ST8SIA6: variants seen among roughly 807,000 people sequenced by gnomAD.
ST8SIA6 encodes the protein ST8 alpha-N-acetyl-neuraminide alpha-2,8-sialyltransferase 6, also known as alpha-2,8-sialyltransferase 8F.
A neutral mutation model predicts 33.6 loss-of-function variants in ST8SIA6; 39 were observed. The observed-to-expected ratio is 1.16, with a 90% CI of 0.90 to 1.52. The LOEUF (loss-of-function observed/expected upper bound fraction) is 1.52. Among genes scored for constraint, ST8SIA6 ranks in the 40% most tolerant of loss-of-function variants. The pLI is 0.00. For synonymous variants in ST8SIA6, 172 were observed against 167.2 expected, an observed-to-expected ratio of 1.03 and a Z score of -0.22; for missense variants, 441 against 443.8, an observed-to-expected ratio of 0.99 and a Z score of 0.06.
Position 17,327,012 on chromosome 10 carries a change from A to T in ST8SIA6, c.635+2T>A. On this transcript the variant is annotated splice_donor_variant, in intron 6 of 7. Coordinates refer to ENST00000377602, the MANE Select transcript of ST8SIA6 (RefSeq NM_001004470.3). LOFTEE classifies it high-confidence loss of function. ...CAAAGAAACCAATTTGTCAGGTCTT[A>T]CCTAAAAACGAAGTCGGATTTATCT... 6.3e-7 allele frequency: 1 copy of T among 1,593,376 alleles called. No individual in the cohort carries two copies.
intron 2 of ST8SIA6, among the ~76,000 whole-genome samples, chr10:17,441,812 T>C (rs1414629498): frequency 1.3e-5 from 2 of 152,148 alleles, no homozygotes; most frequent in African/African-American, 2.4e-5. Context: ...ACATTTGAAA[T>C]TGGCCCTAAA....
chr10:17,406,143 A>G (rs1851249793), intron 2 of ST8SIA6, among the ~76,000 whole-genome samples: 1 of 152,212 alleles, frequency 6.6e-6, no homozygotes, highest in African/African-American at 2.4e-5. Context: ...AGCTAAAGGC[A>G]ATTAAGAAGC....
At chr10:17,335,084 G>A (rs1564406073) in intron 4 of ST8SIA6, among the ~76,000 whole-genome samples, 1 of 152,160 alleles carries the variant, frequency 6.6e-6, no homozygotes. Flanking sequence ...ATCAAGCAAA[G>A]CTTTAGCCTT....
At chr10:17,331,379 CAAAT>C (rs763953096) in intron 5 of ST8SIA6, 25 bp downstream of exon 5, 7 of 1,587,454 alleles carry the variant, frequency 4.4e-6, no homozygotes, top group African/African-American at 2.7e-5. Flanking sequence ...AATGGTAACA[CAAAT>C]AACCCACCAG....
intron 3 of ST8SIA6, among the ~76,000 whole-genome samples, chr10:17,375,630 C>T (rs183033973): frequency 2.2e-4 from 34 of 152,318 alleles, no homozygotes; most frequent in South Asian, 1.7e-3. Flanking sequence ...TGGCGTAAGC[C>T]GCACTTAGTC....
chr10:17,429,571 C>T (rs543855106), intron 2 of ST8SIA6, among the ~76,000 whole-genome samples: 23 of 152,186 alleles, frequency 1.5e-4, no homozygotes, highest in African/African-American at 3.6e-4. Context: ...CAACTCCCAC[C>T]TCCCGGGCTC....
chr10:17,333,113 A>G (rs1487566713), intron 4 of ST8SIA6, among the ~76,000 whole-genome samples: 1 of 152,192 alleles, frequency 6.6e-6, no homozygotes, highest in Non-Finnish European at 1.5e-5. Context: ...ACAAGCAGAG[A>G]GCCAAATCAT....
At chr10:17,340,697 A>C (rs1249164089) in intron 4 of ST8SIA6, among the ~76,000 whole-genome samples, 1 of 152,194 alleles carries the variant, frequency 6.6e-6, no homozygotes, top group Non-Finnish European at 1.5e-5. Flanking sequence ...TTCCAGCAAA[A>C]CCATGGTGTG....
intron 6 of ST8SIA6, among the ~76,000 whole-genome samples, chr10:17,324,903 T>TA (rs1848074594): frequency 6.8e-6 from 1 of 146,182 alleles, no homozygotes; most frequent in Non-Finnish European, 1.5e-5. Flanking sequence ...ATATAACATG[T>TA]ATATATAATA....
At chr10:17,339,694 A>C (rs1848612051) in intron 4 of ST8SIA6, among the ~76,000 whole-genome samples, 1 of 148,218 alleles carries the variant, frequency 6.7e-6, no homozygotes, top group African/African-American at 2.4e-5. Flanking sequence ...ACCAACATTT[A>C]GTGCATTCTC....
Position 17,363,873 on chromosome 10 carries a change from A to T in ST8SIA6, c.291-4273T>A, listed in dbSNP as rs547531016. Among the ~76,000 whole-genome samples, 9 of 152,266 alleles carry T rather than the reference A, an allele frequency of 5.9e-5. No individual in the cohort carries two copies. The East Asian group carries it at 1.4e-3, about 23-fold the overall frequency. On this transcript the variant is annotated intron_variant, in intron 3 of 7. Coordinates refer to ENST00000377602, the MANE Select transcript of ST8SIA6 (RefSeq NM_001004470.3). ...GAGCCTGTTGGGCTGGCTCATACTC[A>T]TTCATTATCCCCATAGTTTGAGCTT...
intron 2 of ST8SIA6, among the ~76,000 whole-genome samples, chr10:17,448,525 A>G (rs964391586): frequency 2.0e-5 from 3 of 152,162 alleles, no homozygotes; most frequent in African/African-American, 7.2e-5. Context: ...TAATCTCCCA[A>G]TAATTCAACC....
chr10:17,359,587 C>A lies in ST8SIA6; in HGVS notation c.304G>T (p.Asp102Tyr). 1 of 1,598,666 alleles carries A rather than the reference C, an allele frequency of 6.3e-7. No individual in the cohort carries two copies. The highest frequency in any genetic ancestry group is 8.5e-7 in the Non-Finnish European group (1 of 1,173,536). Residue 102 changes from aspartate (D) to tyrosine (Y), a missense_variant, in exon 4 of 8, where the codon GAC becomes TAC. Asp to Tyr is a radical substitution (Grantham distance 160). Coordinates refer to ENST00000377602, the MANE Select transcript of ST8SIA6 (RefSeq NM_001004470.3). Reference protein sequence around the residue: ...SNKTKGYSENDYLQIITDIQS... With the variant: ...SNKTKGYSENYYLQIITDIQS... ...ATATCTGTGATAATCTGAAGGTAGT[C>A]GTTCTCTGAATACCTAAAAATTAAA...
At chr10:17,340,303 G>A (rs369395825) in intron 4 of ST8SIA6, among the ~76,000 whole-genome samples, 11 of 151,592 alleles carry the variant, frequency 7.3e-5, no homozygotes, top group South Asian at 6.3e-4. Flanking sequence ...CACCTGTTCC[G>A]TCCTGAGTCA....
chr10:17,348,000 G>A (rs1292945738), intron 4 of ST8SIA6, among the ~76,000 whole-genome samples: 2 of 143,780 alleles, frequency 1.4e-5, no homozygotes, highest in African/African-American at 2.6e-5. Context: ...GAATTGCTAA[G>A]TGTGAAAAAC....
At chr10:17,437,643 TTCCTTCCTTCCTTCCTTCC>T (rs1564464563) in intron 2 of ST8SIA6, among the ~76,000 whole-genome samples, 33 of 138,806 alleles carry the variant, frequency 2.4e-4, no homozygotes, top group African/African-American at 6.8e-4. Flanking sequence ...CCTTCCTTCC[TTCCTTCCTTCCTTCCTTCC>T]TTCTGTCTCT....
intron 3 of ST8SIA6, among the ~76,000 whole-genome samples, chr10:17,360,938 G>GAA (rs1849365021): frequency 6.7e-6 from 1 of 148,558 alleles, no homozygotes; most frequent in African/African-American, 2.5e-5. Context: ...AAGAGGAAAA[G>GAA]GAAGAAGAAG....
intron 3 of ST8SIA6, 56 bp downstream of exon 3, chr10:17,390,475 T>C: frequency 1.4e-6 from 2 of 1,426,464 alleles, no homozygotes; most frequent in Non-Finnish European, 2.0e-6. Context: ...TGTCAGACAT[T>C]CTGAAAATAA....
chr10:17,381,239 T>C (rs1298893676), intron 3 of ST8SIA6, among the ~76,000 whole-genome samples: 1 of 152,182 alleles, frequency 6.6e-6, no homozygotes, highest in African/African-American at 2.4e-5. Context: ...TATTTGATTT[T>C]CATCTGAGTT....
Sources: gnomAD v4.1 joint callset for allele counts (sites outside exome capture counted in the v4.1 genomes callset) on GRCh38, gnomAD v4.1.1 for gene constraint, MANE v1.5 for transcripts, NCBI Gene and HGNC (gene_info 2026-07-23, HGNC 2026-07-21) for gene names.